Variants in DTNB observed in about 807,000 individuals in gnomAD.
DTNB encodes the protein dystrobrevin beta, also known as DTN-B.
Under a neutral mutation model 90.7 loss-of-function variants are expected in DTNB, and 63 were observed. That is an observed-to-expected ratio of 0.69 (90% CI 0.57 to 0.86). The LOEUF (loss-of-function observed/expected upper bound fraction) is 0.86. DTNB is among the 40% of genes least tolerant of loss of function. The pLI is 0.00. For missense variants in DTNB, 744 were observed against 807.1 expected, an observed-to-expected ratio of 0.92 and a Z score of 0.95; for synonymous variants, 277 against 286.7, an observed-to-expected ratio of 0.97 and a Z score of 0.34.
intron 5 of DTNB, 128 bp downstream of exon 5, chr2:25,607,108 T>C: frequency 1.0e-6 from 1 of 964,132 alleles, no homozygotes; most frequent in Non-Finnish European, 1.5e-6. Context: ...GTGAGCCAGC[T>C]GCTGCAGCGT....
intron 9 of DTNB, among the ~76,000 whole-genome samples, chr2:25,519,953 C>T (rs973194313): frequency 8.5e-5 from 13 of 152,194 alleles, no homozygotes; most frequent in Non-Finnish European, 1.5e-4. Flanking sequence ...ACTCACAATA[C>T]ACACTCAATA....
At chr2:25,583,862 T>C (rs1442993431) in intron 6 of DTNB, among the ~76,000 whole-genome samples, 4 of 151,992 alleles carry the variant, frequency 2.6e-5, no homozygotes, top group African/African-American at 9.7e-5. Flanking sequence ...AAGGTAGAAT[T>C]AGATTTTGAT....
At chr2:25,471,412 G>A (rs1274098703) in intron 10 of DTNB, among the ~76,000 whole-genome samples, 3 of 149,190 alleles carry the variant, frequency 2.0e-5, no homozygotes, top group Non-Finnish European at 4.4e-5. Flanking sequence ...TTCCCGAGAC[G>A]GAGTCTCACT....
chr2:25,390,379 A>C (rs1437238071), intron 16 of DTNB, among the ~76,000 whole-genome samples: 1 of 152,218 alleles, frequency 6.6e-6, no homozygotes, highest in Admixed American at 6.5e-5. Flanking sequence ...ATGTAAAAAC[A>C]AAACCAAACA....
chr2:25,400,391 C>G (rs2043412995), intron 16 of DTNB, among the ~76,000 whole-genome samples: 1 of 152,250 alleles, frequency 6.6e-6, no homozygotes, highest in Admixed American at 6.5e-5. Flanking sequence ...GAGGCAGGCC[C>G]TTCTCCATGG....
At chr2:25,590,307 T>A (rs1477434523) in intron 6 of DTNB, among the ~76,000 whole-genome samples, 3 of 152,160 alleles carry the variant, frequency 2.0e-5, no homozygotes, top group Admixed American at 6.5e-5. Context: ...ATTTTTTGGG[T>A]CCCGAGTTCC....
chr2:25,607,872 C>T (rs1216200024), intron 4 of DTNB, among the ~76,000 whole-genome samples: 4 of 152,166 alleles, frequency 2.6e-5, no homozygotes, highest in Admixed American at 2.6e-4. Flanking sequence ...CTCAGATCTT[C>T]TAATACACCA....
At chr2:25,669,142 A>C (rs1427383454) in intron 1 of DTNB, among the ~76,000 whole-genome samples, 1 of 152,190 alleles carries the variant, frequency 6.6e-6, no homozygotes, top group Non-Finnish European at 1.5e-5. Context: ...GCTGGTGTTT[A>C]AGGGGTACAG....
chr2:25,462,887 T>G (rs529990551), intron 10 of DTNB, among the ~76,000 whole-genome samples: 8 of 152,202 alleles, frequency 5.3e-5, no homozygotes, highest in African/African-American at 1.9e-4. Context: ...GTATTTTTAG[T>G]AGAGACGGGG....
At chr2:25,572,377 G>T (rs543281199) in intron 8 of DTNB, among the ~76,000 whole-genome samples, 1 of 151,602 alleles carries the variant, frequency 6.6e-6, no homozygotes, top group Non-Finnish European at 1.5e-5. Context: ...TGAGGCAGGA[G>T]AATGGCGTGA....
At chr2:25,552,370 A>C (rs1053899819) in intron 8 of DTNB, among the ~76,000 whole-genome samples, 1 of 152,152 alleles carries the variant, frequency 6.6e-6, no homozygotes, top group Admixed American at 6.6e-5. Flanking sequence ...TTTTCCTAGA[A>C]TCCATCCAGC....
At chr2:25,582,299 C>T (rs1311936898) in intron 6 of DTNB, among the ~76,000 whole-genome samples, 2 of 152,124 alleles carry the variant, frequency 1.3e-5, no homozygotes, top group African/African-American at 4.8e-5. Context: ...CCGGAACCTC[C>T]CAACAAGAGT....
intron 9 of DTNB, 31 bp from the exon 10 acceptor site, chr2:25,482,904 T>A (rs764605554): frequency 3.5e-5 from 55 of 1,574,420 alleles, no homozygotes; most frequent in Non-Finnish European, 4.6e-5. Context: ...CTTATATTAA[T>A]AATGACCAAC....
chr2:25,604,643 A>G (rs2148489903), intron 5 of DTNB, among the ~76,000 whole-genome samples: 1 of 152,274 alleles, frequency 6.6e-6, no homozygotes, highest in South Asian at 2.1e-4. Context: ...GCCAGGCTAG[A>G]GTGCAGTGGC....
Position 25,639,029 on chromosome 2 carries a change from G to C in DTNB, c.133C>G (p.Gln45Glu), listed in dbSNP as rs1474726082. The C allele has an allele frequency of 5.7e-6, 9 of 1,590,996 alleles. No homozygotes were observed. Among genetic ancestry groups the C allele is most frequent in the Non-Finnish European group, 7.7e-6 (9 of 1,166,210 alleles). ...AATGACTCACGGTTGCATCGTTTTT[G>C]TACAAATCGTAATTTGCAGGCTGTT... ...YRTACKLRFV[Q>E]KRCNLHLVDI... Residue 45 changes from glutamine (Q) to glutamate (E), a missense_variant, in exon 3 of 21, where the codon CAA becomes GAA. Coordinates refer to ENST00000406818, the MANE Select transcript of DTNB (RefSeq NM_021907.5).
chr2:25,628,138 T>C (rs2074791974), intron 4 of DTNB, 33 bp downstream of exon 4: 2 of 1,599,660 alleles, frequency 1.3e-6, no homozygotes, highest in Non-Finnish European at 8.6e-7. Flanking sequence ...GTTCTTAAAA[T>C]GAAGTAAGCG....
chr2:25,403,269 C>T (rs1053351773), intron 16 of DTNB, among the ~76,000 whole-genome samples: 2 of 152,212 alleles, frequency 1.3e-5, no homozygotes, highest in African/African-American at 4.8e-5. Flanking sequence ...GCGCCCGCCA[C>T]CACACCCCGC....
intron 4 of DTNB, among the ~76,000 whole-genome samples, chr2:25,615,050 G>C (rs1360077180): frequency 6.6e-6 from 1 of 152,192 alleles, no homozygotes; most frequent in African/African-American, 2.4e-5. Flanking sequence ...TAAAATTGCG[G>C]TTCCCATGAC....
At chr2:25,521,369 ATGGCTGTGTCCCAATAATTTTTT>A (rs1305780369) in intron 9 of DTNB, among the ~76,000 whole-genome samples, 2 of 150,980 alleles carry the variant, frequency 1.3e-5, no homozygotes, top group Non-Finnish European at 3.0e-5. Flanking sequence ...ATGAGTGAGT[ATGGCTGTGTCCCAATAATTTTTT>A]TTTTTTTTTT....
Sources: allele counts gnomAD v4.1 joint callset (sites outside exome capture counted in the v4.1 genomes callset), GRCh38; gene constraint gnomAD v4.1.1; transcripts MANE v1.5; gene names NCBI Gene and HGNC (gene_info 2026-07-23, HGNC 2026-07-21).